CHODL: variants seen among roughly 807,000 people sequenced by gnomAD.
The protein encoded by CHODL is chondrolectin, also known as transmembrane protein MT75.
A neutral mutation model predicts 34.5 loss-of-function variants in CHODL; 29 were observed. That is an observed-to-expected ratio of 0.84 (90% CI 0.63 to 1.15). The LOEUF (loss-of-function observed/expected upper bound fraction) is 1.15. Ranked by LOEUF, CHODL falls within the 50% of genes most tolerant of loss-of-function variation. The pLI is 0.00. For missense variants in CHODL, 332 were observed against 332.5 expected (o/e 1.00, Z 0.01); for synonymous variants, 125 against 116.1 (o/e 1.08, Z -0.49).
chr21:18,259,243 G>T (rs370939057), intron 3 of CHODL, among the ~76,000 whole-genome samples: 1 of 151,852 alleles, frequency 6.6e-6, no homozygotes, highest in African/African-American at 2.4e-5. Flanking sequence ...AAATTTACAG[G>T]CTTTTTTTTA....
At chr21:18,159,559 G>C (rs755594970) in intron 2 of CHODL, among the ~76,000 whole-genome samples, 1 of 152,250 alleles carries the variant, frequency 6.6e-6, no homozygotes, top group South Asian at 2.1e-4. Context: ...GATGATTTTC[G>C]AGAACTTTCT....
At chr21:18,155,663 A>G (rs79271997) in intron 2 of CHODL, among the ~76,000 whole-genome samples, 6,860 of 152,280 alleles carry the variant, frequency 0.045, 302 homozygotes, top group East Asian at 0.21. Context: ...TAGCTAAATC[A>G]TGTTATTTAT....
At chr21:17,952,755 T>C (rs934461928) in intron 1 of CHODL, among the ~76,000 whole-genome samples, 1 of 152,222 alleles carries the variant, frequency 6.6e-6, no homozygotes, top group African/African-American at 2.4e-5. Flanking sequence ...TATTTGTCCA[T>C]TCTCTCACTG....
intron 2 of CHODL, among the ~76,000 whole-genome samples, chr21:18,073,131 G>A (rs1333169329): frequency 6.6e-6 from 1 of 152,062 alleles, no homozygotes; most frequent in Admixed American, 6.6e-5. Flanking sequence ...TGACTTTAGT[G>A]GGTGTTGATA....
intron 2 of CHODL, among the ~76,000 whole-genome samples, chr21:18,176,882 A>G (rs941981643): frequency 3.9e-5 from 6 of 152,218 alleles, no homozygotes; most frequent in Admixed American, 3.9e-4. Flanking sequence ...GGGGATGAAC[A>G]TGTGACCCAT....
At chr21:17,993,407 C>T (rs913494950) in intron 1 of CHODL, among the ~76,000 whole-genome samples, 13 of 152,120 alleles carry the variant, frequency 8.5e-5, no homozygotes, top group Non-Finnish European at 1.5e-5. Flanking sequence ...GTCTGTTGTT[C>T]TCCTCTGTGT....
intron 2 of CHODL, among the ~76,000 whole-genome samples, chr21:18,079,279 T>C (rs2064905339): frequency 6.6e-6 from 1 of 151,674 alleles, no homozygotes; most frequent in South Asian, 2.1e-4. Flanking sequence ...AGTTCCAACT[T>C]TGTTGCTGCA....
intron 2 of CHODL, chr21:18,099,807 G>A (rs1259003417): frequency 2.0e-5 from 3 of 152,098 alleles, no homozygotes; most frequent in African/African-American, 7.2e-5. Flanking sequence ...TAAATAAAGT[G>A]GGTGGGTTAA....
intron 1 of CHODL, among the ~76,000 whole-genome samples, chr21:17,929,643 G>A (rs1344743265): frequency 6.6e-6 from 1 of 152,196 alleles, no homozygotes; most frequent in African/African-American, 2.4e-5. Flanking sequence ...TCCCAGTGTG[G>A]ATTTTCACAA....
At chr21:18,098,323 T>A (rs2065165505) in intron 2 of CHODL, among the ~76,000 whole-genome samples, 1 of 151,726 alleles carries the variant, frequency 6.6e-6, no homozygotes, top group Non-Finnish European at 1.5e-5. Flanking sequence ...GATAAGGAAT[T>A]AATAACCAGA....
chr21:18,055,920 ATC>A (rs1016591821), intron 2 of CHODL, among the ~76,000 whole-genome samples: 5 of 151,906 alleles, frequency 3.3e-5, no homozygotes, highest in Non-Finnish European at 7.4e-5. Flanking sequence ...ACATGATGAT[ATC>A]TCTCTCTTTC....
rs376748176 is a variant in CHODL, at chr21:18,001,549, G to A, written c.-144-26323G>A. On this transcript the variant is annotated intron_variant, in intron 1 of 6. Transcript: ENST00000400127. ...TCATGCTAAGGATTACTCAGGGACT[G>A]TTGAATAGACACATGTTTCTGCTGC... Among the ~76,000 whole-genome samples, 6 of 152,320 alleles carry A rather than the reference G, an allele frequency of 3.9e-5. 1 individual carries two copies. Among genetic ancestry groups the A allele is most frequent in the Admixed American group, 1.3e-4 (2 of 15,302 alleles).
chr21:18,257,017 T>C lies in CHODL; in HGVS notation c.437T>C (p.Val146Ala). The change falls in exon 3 of 6, where the codon GTG becomes GCG. Residue 146 changes from valine (V) to alanine (A), a missense_variant. Coordinates refer to ENST00000299295, the MANE Select transcript of CHODL (RefSeq NM_024944.3). The stretch of plus-strand genomic sequence containing the variant: ...TCCTGCGGAAGTGAAAAGTGTGTTG[T>C]GATGTATCACCAACCAACTGCCAAT... Reference protein sequence around the residue: ...EPSCGSEKCVVMYHQPTANPG... With the variant: ...EPSCGSEKCVAMYHQPTANPG... 6.2e-7 allele frequency: 1 copy of C among 1,614,024 alleles called. No individual in the cohort carries two copies. Among genetic ancestry groups the C allele is most frequent in the Non-Finnish European group, 8.5e-7 (1 of 1,179,952 alleles).
chr21:18,248,863 ATG>A (rs2074190130), intron 1 of CHODL, among the ~76,000 whole-genome samples: 1 of 112,116 alleles, frequency 8.9e-6, no homozygotes, highest in South Asian at 2.3e-4. Context: ...TACATTGTAT[ATG>A]TGTATATATA....
At chr21:18,070,025 T>TTCCCTTCCCC (rs1555860424) in intron 2 of CHODL, among the ~76,000 whole-genome samples, 1 of 29,088 alleles carries the variant, frequency 3.4e-5, no homozygotes. Flanking sequence ...TTCCCTTCCC[T>TTCCCTTCCCC]CCCCCCCCCC....
intron 2 of CHODL, among the ~76,000 whole-genome samples, chr21:18,172,334 C>T (rs919358598): frequency 2.0e-5 from 3 of 152,114 alleles, no homozygotes; most frequent in African/African-American, 4.8e-5. Flanking sequence ...TGGAGGTTTC[C>T]GGAGAGCAGC....
chr21:17,958,116 T>C (rs1456429116), intron 1 of CHODL, among the ~76,000 whole-genome samples: 1 of 152,182 alleles, frequency 6.6e-6, no homozygotes, highest in African/African-American at 2.4e-5. Flanking sequence ...TAGGCACATT[T>C]CCTGTCATTG....
intron 2 of CHODL, among the ~76,000 whole-genome samples, chr21:18,136,110 AAAAAAAAAG>A (rs1015795622): frequency 1.3e-4 from 19 of 148,386 alleles, no homozygotes; most frequent in African/African-American, 4.6e-4. Context: ...TGTCTCAAAA[AAAAAAAAAG>A]AAAAAGAAAA....
intron 2 of CHODL, among the ~76,000 whole-genome samples, chr21:18,099,385 A>T (rs1012544723): frequency 6.6e-6 from 1 of 151,736 alleles, no homozygotes; most frequent in African/African-American, 2.4e-5. Context: ...ACAAAAATTA[A>T]AAGTAAAAAA....
Sources: gnomAD v4.1 joint callset for allele counts (sites outside exome capture counted in the v4.1 genomes callset) on GRCh38, gnomAD v4.1.1 for gene constraint, MANE v1.5 for transcripts, NCBI Gene and HGNC (gene_info 2026-07-23, HGNC 2026-07-21) for gene names.